Variants in FGFR2 observed in about 807,000 individuals in gnomAD.
FGFR2 encodes BEK fibroblast growth factor receptor.
FGFR2 carries 19 observed loss-of-function variants against 95.9 expected under a neutral mutation model. That is an observed-to-expected ratio of 0.20 (90% CI 0.14 to 0.29). The LOEUF (loss-of-function observed/expected upper bound fraction) is 0.29, where lower values mean the gene tolerates loss of function less well. Among genes scored for constraint, FGFR2 ranks in the 10% least tolerant of loss-of-function variants. FGFR2 has a pLI of 1.00. For missense variants in FGFR2, 707 were observed against 1,056.9 expected (o/e 0.67, Z 4.59); for synonymous variants, 392 against 393.3 (o/e 1.00, Z 0.04).
chr10:121,499,769 C>T (rs1322946860), intron 11 of FGFR2, among the ~76,000 whole-genome samples: 1 of 152,238 alleles, frequency 6.6e-6, no homozygotes, highest in Non-Finnish European at 1.5e-5. Context: ...TGGGGCAAGA[C>T]AGCACAGTGT....
intron 5 of FGFR2, among the ~76,000 whole-genome samples, chr10:121,543,798 T>G (rs1444822303): frequency 6.6e-6 from 1 of 152,144 alleles, no homozygotes; most frequent in Non-Finnish European, 1.5e-5. Flanking sequence ...TGGCAGAAAC[T>G]CTTCCCTCTG....
intron 2 of FGFR2, among the ~76,000 whole-genome samples, chr10:121,589,766 G>A (rs1862358723): frequency 6.6e-6 from 1 of 152,218 alleles, no homozygotes; most frequent in Non-Finnish European, 1.5e-5. Flanking sequence ...GCGTAAGCCT[G>A]TATTTGGTTT....
At chr10:121,480,780 C>T (rs530259391) in intron 17 of FGFR2, among the ~76,000 whole-genome samples, 1 of 152,114 alleles carries the variant, frequency 6.6e-6, no homozygotes, top group South Asian at 2.1e-4. Flanking sequence ...CCTTTGCTCC[C>T]CAAGGCATCC....
At chr10:121,506,385 G>A (rs1039104983) in intron 9 of FGFR2, among the ~76,000 whole-genome samples, 3 of 145,178 alleles carry the variant, frequency 2.1e-5, no homozygotes, top group Non-Finnish European at 4.5e-5. Context: ...AAGAGGCCTA[G>A]CAATGGGACG....
rs766629665 is a variant in FGFR2 at position 121,593,834 on chromosome 10, C to T, written c.-17G>A. The T allele has an allele frequency of 2.5e-6, 4 of 1,608,640 alleles. No individual in the cohort carries two copies. Among genetic ancestry groups the T allele is most frequent in the Admixed American group, 3.3e-5 (2 of 60,010 alleles). On this transcript the variant is annotated 5_prime_UTR_variant, in exon 2 of 18. Transcript: ENST00000358487. ...GCTGACCATGGTTACGGTACCAATC[C>T]CCGGTCCTCTTCCATATCTCCATGT...
At chr10:121,552,345 C>T (rs1254277699) in intron 4 of FGFR2, among the ~76,000 whole-genome samples, 2 of 152,196 alleles carry the variant, frequency 1.3e-5, no homozygotes, top group South Asian at 2.1e-4. Context: ...TGACTACTAC[C>T]GACTGAAAGC....
rs566916073 is a variant in FGFR2, at chr10:121,520,880, C to T, written c.749-711G>A. 2.9e-3 allele frequency among the ~76,000 whole-genome samples: 438 copies of T among 152,322 alleles called. 2 individuals carry two copies. Among genetic ancestry groups the T allele is most frequent in the Non-Finnish European group, 4.4e-3 (302 of 68,028 alleles). ...CTGGTCTCAAACTCCTATGCTCAAG[C>T]GATCCACCTGCCTTGGCCTCCCAAA... On this transcript the variant is annotated intron_variant, in intron 6 of 17. Transcript: ENST00000358487.
intron 9 of FGFR2, 21 bp downstream of exon 9, chr10:121,515,096 T>C (rs2134218597): frequency 6.2e-7 from 1 of 1,612,346 alleles, no homozygotes; most frequent in South Asian, 1.1e-5. Context: ...GTAAATTTCT[T>C]TAAACTCTTT....
At chr10:121,580,414 C>G (rs932586371) in intron 2 of FGFR2, among the ~76,000 whole-genome samples, 1 of 152,218 alleles carries the variant, frequency 6.6e-6, no homozygotes, top group African/African-American at 2.4e-5. Context: ...TGGTCTTCCT[C>G]ATTTGAATGG....
At chr10:121,549,160 T>C (rs1855005607) in intron 5 of FGFR2, among the ~76,000 whole-genome samples, 1 of 152,214 alleles carries the variant, frequency 6.6e-6, no homozygotes, top group African/African-American at 2.4e-5. Flanking sequence ...TTCCTCTGAA[T>C]TTTGGCCTCT....
chr10:121,575,618 G>A (rs1458641169), intron 2 of FGFR2, among the ~76,000 whole-genome samples: 4 of 152,110 alleles, frequency 2.6e-5, no homozygotes, highest in African/African-American at 4.8e-5. Context: ...ACTTTGGCAG[G>A]CCGAGGCGGG....
intron 6 of FGFR2, among the ~76,000 whole-genome samples, chr10:121,520,452 G>A (rs777600101): frequency 3.3e-5 from 5 of 152,136 alleles, no homozygotes; most frequent in Admixed American, 6.5e-5. Flanking sequence ...TGATGAATAC[G>A]GGAAGAAATT....
intron 4 of FGFR2, chr10:121,564,283 G>C (rs1857360769): frequency 1.7e-6 from 1 of 590,720 alleles, no homozygotes; most frequent in Non-Finnish European, 3.0e-6. Context: ...AAAAACGAAT[G>C]ACCAGTGACA....
At chr10:121,503,707 G>A (rs2134049608) in intron 10 of FGFR2, 83 bp downstream of exon 10, 1 of 1,494,254 alleles carries the variant, frequency 6.7e-7, no homozygotes, top group Non-Finnish European at 9.3e-7. Context: ...TGTGGCTAAG[G>A]GTCATAAAAA....
Position 121,568,011 on chromosome 10 carries a change from T to C in FGFR2, c.110-2307A>G, listed in dbSNP as rs181521373. Among the ~76,000 whole-genome samples the C allele has an allele frequency of 2.1e-3, 313 of 152,352 alleles. 2 individuals carry two copies. Among genetic ancestry groups the C allele is most frequent in the South Asian group, 5.8e-3 (28 of 4,830 alleles). On this transcript the variant is annotated intron_variant, in intron 2 of 17. Coordinates refer to ENST00000358487, the MANE Select transcript of FGFR2 (RefSeq NM_000141.5). ...GTTGGGAACTTAGTTTGAAGGCTCTTAGAGCAGGTCTCTCAAGGCTGGTTA... is the reference window on the plus strand; with the variant it reads ...GTTGGGAACTTAGTTTGAAGGCTCTCAGAGCAGGTCTCTCAAGGCTGGTTA...
intron 9 of FGFR2, among the ~76,000 whole-genome samples, chr10:121,509,597 C>T (rs1360937672): frequency 6.7e-6 from 1 of 149,594 alleles, no homozygotes. Context: ...GATTCTCCTG[C>T]CTCAGCCTCC....
At chr10:121,594,164 A>T (rs1188873338) in intron 1 of FGFR2, 197 bp from the exon 2 acceptor site, 14 of 465,656 alleles carry the variant, frequency 3.0e-5, no homozygotes, top group South Asian at 2.0e-4. Flanking sequence ...GTGTGAGGCT[A>T]ATCTTTTTAA....
chr10:121,501,669 C>T (rs532952744), intron 10 of FGFR2, among the ~76,000 whole-genome samples: 64 of 152,218 alleles, frequency 4.2e-4, no homozygotes, highest in African/African-American at 1.5e-3. Context: ...CTTATGAATA[C>T]GGCTCTTTCT....
rs1272804158 is a variant in FGFR2 at position 121,561,419 on chromosome 10, C to A, written c.454+3083G>T. 3.4e-5 allele frequency among the ~76,000 whole-genome samples: 5 copies of A among 146,242 alleles called. No individual in the cohort carries two copies. In the East Asian group the frequency reaches 9.9e-4, roughly 29 times the overall value. On this transcript the variant is annotated intron_variant, in intron 4 of 17. Transcript: ENST00000358487. ...AGCCTGGGCAACAAGAGCGAAACTC[C>A]CATCTCAAAAAAAAAAAAAAAAAAA...
Sources: gnomAD v4.1 joint callset for allele counts (sites outside exome capture counted in the v4.1 genomes callset) on GRCh38, gnomAD v4.1.1 for gene constraint, MANE v1.5 for transcripts, NCBI Gene and HGNC (gene_info 2026-07-23, HGNC 2026-07-21) for gene names.